PCDH17: variants seen among roughly 807,000 people sequenced by gnomAD.
PCDH17 encodes the protein protocadherin 17.
In PCDH17, 21 loss-of-function variants were observed where a neutral mutation model predicts 67.7. The observed-to-expected ratio is 0.31, with a 90% CI of 0.22 to 0.45. The LOEUF is 0.45. Ranked by LOEUF, PCDH17 falls within the 20% of genes least tolerant of loss-of-function variation. The pLI is 1.00. For missense variants in PCDH17, 1,471 were observed against 1,564.8 expected (o/e 0.94, Z 1.01); for synonymous variants, 701 against 656.7 (o/e 1.07, Z -1.03).
At chr13:57,648,288 G>A (rs1954990908) in intron 1 of PCDH17, among the ~76,000 whole-genome samples, 1 of 151,816 alleles carries the variant, frequency 6.6e-6, no homozygotes, top group Non-Finnish European at 1.5e-5. Context: ...TCTTTTTAGA[G>A]CATTAAGGTA....
At chr13:57,640,128 T>G (rs1954872010) in intron 1 of PCDH17, among the ~76,000 whole-genome samples, 1 of 152,014 alleles carries the variant, frequency 6.6e-6, no homozygotes, top group African/African-American at 2.4e-5. Flanking sequence ...TATTTAATCC[T>G]GTTTAAAAAT....
chr13:57,641,178 G>C (rs1166832144), intron 1 of PCDH17, among the ~76,000 whole-genome samples: 1 of 151,718 alleles, frequency 6.6e-6, no homozygotes, highest in Non-Finnish European at 1.5e-5. Context: ...ACCTACTTTA[G>C]TAAAGGAGGC....
chr13:57,718,778 T>G (rs2138099157), intron 3 of PCDH17, among the ~76,000 whole-genome samples: 1 of 152,086 alleles, frequency 6.6e-6, no homozygotes, highest in Non-Finnish European at 1.5e-5. Flanking sequence ...TGTTAGAATA[T>G]ATTGGGATAA....
Position 57,706,010 on chromosome 13 carries a change from A to T in PCDH17, c.2798-18602A>T, listed in dbSNP as rs9569728. Among the ~76,000 whole-genome samples, 5 of 149,942 alleles carry T rather than the reference A, an allele frequency of 3.3e-5. No individual in the cohort carries two copies. The East Asian group carries it at 7.9e-4, about 24-fold the overall frequency. ...AGCCTGAGCAACAGGAGAAAAACTC[A>T]GTCTTAAAAAAAAAAAAAAAATACC... On this transcript the variant is annotated intron_variant, in intron 3 of 3. Transcript: ENST00000377918.
chr13:57,653,469 A>C (rs1470066384), intron 1 of PCDH17, among the ~76,000 whole-genome samples: 1 of 152,176 alleles, frequency 6.6e-6, no homozygotes, highest in African/African-American at 2.4e-5. Context: ...GAAAGAGTGC[A>C]AAATTTGAGT....
intron 1 of PCDH17, among the ~76,000 whole-genome samples, chr13:57,658,359 C>CA (rs1955136135): frequency 6.6e-6 from 1 of 152,014 alleles, no homozygotes; most frequent in Non-Finnish European, 1.5e-5. Flanking sequence ...TAACGTGAGG[C>CA]AAGGGAGGTA....
At chr13:57,687,389 G>T (rs1395180851) in intron 3 of PCDH17, among the ~76,000 whole-genome samples, 1 of 151,846 alleles carries the variant, frequency 6.6e-6, no homozygotes, top group Admixed American at 6.6e-5. Context: ...TTCAATGGAG[G>T]TTCTTAGAAT....
rs995194512 is a variant in PCDH17 at position 57,634,956 on chromosome 13, C to G, written c.2410C>G (p.Leu804Val). Residue 804 changes from leucine (L) to valine (V), a missense_variant, in exon 1 of 4, where the codon CTG becomes GTG. Leu to Val is a conservative substitution (Grantham distance 32). This residue lies in a region of PCDH17 where 1,163 missense variants were observed against 1,230.0 expected (regional missense o/e 0.95). Coordinates refer to ENST00000377918, the MANE Select transcript of PCDH17 (RefSeq NM_001040429.3). This position sits in a 1 kb window ranked among gnomAD's most constrained non-coding sequence, Gnocchi z 7.8. ...SPMYFDYQTRLPLSSPRSEVM... is the reference protein window; with the variant it reads ...SPMYFDYQTRVPLSSPRSEVM... ...CATGTACTTCGACTACCAGACCCGC[C>G]TGCCCCTCAGCTCGCCCCGGTCGGA... 4 of 1,613,968 alleles carry G rather than the reference C, an allele frequency of 2.5e-6. No individual in the cohort carries two copies.
chr13:57,658,587 G>A (rs1475012346), intron 1 of PCDH17, among the ~76,000 whole-genome samples: 1 of 152,074 alleles, frequency 6.6e-6, no homozygotes, highest in Non-Finnish European at 1.5e-5. Context: ...TGGATATTGT[G>A]AATCTTACAT....
chr13:57,707,695 A>G (rs2138084445), intron 3 of PCDH17, among the ~76,000 whole-genome samples: 1 of 152,162 alleles, frequency 6.6e-6, no homozygotes, highest in East Asian at 1.9e-4. Context: ...GGTGGCTAGA[A>G]GTCCAACATC....
At chr13:57,682,519 C>T (rs1255943406) in intron 3 of PCDH17, among the ~76,000 whole-genome samples, 1 of 151,828 alleles carries the variant, frequency 6.6e-6, no homozygotes, top group Non-Finnish European at 1.5e-5. Context: ...AACAAATCCT[C>T]TCTGTCACCC....
chr13:57,630,760 G>A (rs530105170), upstream of PCDH17, among the ~76,000 whole-genome samples: 8 of 152,222 alleles, frequency 5.3e-5, no homozygotes, highest in East Asian at 1.5e-3. Context: ...TATAGACTGA[G>A]TCAGAGAAAG....
chr13:57,667,546 T>A (rs1403393614), intron 3 of PCDH17, among the ~76,000 whole-genome samples: 2 of 151,996 alleles, frequency 1.3e-5, no homozygotes, highest in Non-Finnish European at 2.9e-5. Context: ...GACTAAAAAC[T>A]GTGAATAGGT....
At position 57,725,481 on chromosome 13, in the gene PCDH17, A is replaced by G; in HGVS notation, c.*187A>G. The G allele has an allele frequency of 1.8e-6, 1 of 546,296 alleles. No homozygotes were observed. The highest frequency in any genetic ancestry group is 3.2e-6 in the Non-Finnish European group (1 of 313,734). The allele number at this position is 546,296 out of a possible 1,614,324, so 33.8% of individuals were successfully genotyped here. A position where few individuals can be genotyped will look rare whatever the true frequency, so the allele number is the denominator to read the frequency against. On this transcript the variant is annotated 3_prime_UTR_variant, in exon 4 of 4. Coordinates refer to ENST00000377918, the MANE Select transcript of PCDH17 (RefSeq NM_001040429.3). ...TGCTGATTTCTTTTTCAGAGATAAC[A>G]ATGGTTTCGTTTTGACCAAACTTGT...
chr13:57,678,165 C>T (rs1367292403), intron 3 of PCDH17, among the ~76,000 whole-genome samples: 5 of 149,092 alleles, frequency 3.4e-5, no homozygotes, highest in South Asian at 4.3e-4. Context: ...ATATATATCT[C>T]GAAACATCAT....
At chr13:57,705,933 T>G (rs543278207) in intron 3 of PCDH17, among the ~76,000 whole-genome samples, 9 of 151,860 alleles carry the variant, frequency 5.9e-5, no homozygotes, top group African/African-American at 2.2e-4. Context: ...GAGAATCACT[T>G]GAACCCAGGA....
chr13:57,659,787 C>T (rs1158484472), intron 1 of PCDH17, among the ~76,000 whole-genome samples: 1 of 152,100 alleles, frequency 6.6e-6, no homozygotes, highest in Non-Finnish European at 1.5e-5. Flanking sequence ...AGACAGAGCC[C>T]AGTCCTCCAC....
intron 1 of PCDH17, among the ~76,000 whole-genome samples, chr13:57,651,550 C>T (rs550462845): frequency 1.3e-5 from 2 of 151,802 alleles, no homozygotes; most frequent in Non-Finnish European, 2.9e-5. Context: ...GTTGCCCAGG[C>T]TGGTCTCAAA....
chr13:57,678,675 A>G (rs981130876), intron 3 of PCDH17, among the ~76,000 whole-genome samples: 2 of 151,622 alleles, frequency 1.3e-5, no homozygotes, highest in Non-Finnish European at 3.0e-5. Context: ...AGGAGCTAAG[A>G]AAATTACCAA....
Sources: allele counts gnomAD v4.1 joint callset (sites outside exome capture counted in the v4.1 genomes callset), GRCh38; gene constraint gnomAD v4.1.1; regional missense constraint gnomAD v4.1.1; non-coding constraint Gnocchi (gnomAD v3.1); transcripts MANE v1.5; gene names NCBI Gene and HGNC (gene_info 2026-07-23, HGNC 2026-07-21).